The following AP1M2 variants were observed in gnomAD, a reference collection of about 807,000 sequenced individuals.
AP1M2 encodes AP-1 complex subunit mu-2.
AP1M2 carries 41 observed loss-of-function variants against 54.6 expected under a neutral mutation model. The observed-to-expected ratio is 0.75, with a 90% CI of 0.59 to 0.97. AP1M2 has a LOEUF of 0.97. Ranked by LOEUF, AP1M2 falls within the 50% of genes least tolerant of loss-of-function variation. AP1M2 has a pLI of 0.00. For missense variants in AP1M2, 507 were observed against 561.2 expected, an observed-to-expected ratio of 0.90 and a Z score of 0.98; for synonymous variants, 219 against 215.9, an observed-to-expected ratio of 1.01 and a Z score of -0.13.
In AP1M2 at chr19:10,579,761, C is replaced by T. The variant is rs559463934; in HGVS notation, c.771G>A (p.Pro257=). The change falls in exon 7 of 12, where the codon CCG becomes CCA. Residue 257 remains proline (P), a synonymous_variant. Transcript: ENST00000250244. ...ACATGAGCTCAAAGTCACCATCAGG[C>T]GGGATGAAGGAGATGGTGCGGTCGT... ...FDNDRTISFI[P]PDGDFELMSY... is the part of the protein sequence containing the mutation. 7.8e-5 allele frequency: 126 copies of T among 1,613,812 alleles called. No homozygotes were observed. The South Asian group carries it at 9.0e-4, about 12-fold the overall frequency.
In AP1M2 at chr19:10,574,433, G is replaced by T. The variant is rs752222651; in HGVS notation, c.1233C>A (p.Tyr411Ter). The T allele has an allele frequency of 1.7e-5, 27 of 1,559,256 alleles. No individual in the cohort carries two copies. Among genetic ancestry groups the T allele is most frequent in the Non-Finnish European group, 2.3e-5 (27 of 1,151,940 alleles). The part of the protein sequence containing the change: ...SGYQALPWVR[Y>*]ITQSGDYQLR... ...CTGCCTTACCGCCACTCTGGGTGATGTAGCGAACCCAGGGCAGGGCCTGGT... is the reference window on the plus strand; with the variant it reads ...CTGCCTTACCGCCACTCTGGGTGATTTAGCGAACCCAGGGCAGGGCCTGGT... The change falls in exon 11 of 12, where the codon TAC becomes TAA. Residue 411 changes from tyrosine to a stop codon, truncating the protein, a stop_gained. Transcript: ENST00000250244. LOFTEE classifies it high-confidence loss of function.
intron 1 of AP1M2, among the ~76,000 whole-genome samples, chr19:10,585,353 A>AAGAT (rs1568434920): frequency 1.3e-5 from 2 of 151,640 alleles, no homozygotes; most frequent in Admixed American, 6.6e-5. Flanking sequence ...GAAAGAAAGA[A>AAGAT]AGATGACAGT....
intron 8 of AP1M2, among the ~76,000 whole-genome samples, chr19:10,578,596 C>T (rs549325705): frequency 8.2e-4 from 124 of 151,842 alleles, no homozygotes; most frequent in Non-Finnish European, 8.8e-4. Flanking sequence ...TGGGGTCTAG[C>T]TCTGTCATCC....
chr19:10,572,961 C>T lies in AP1M2; in HGVS notation c.*105G>A. ...GAGCAAGAAACTGCCAAGTCCAGGA[C>T]CTGCCCTCACACAGACACACACAGC... On this transcript the variant is annotated 3_prime_UTR_variant, in exon 12 of 12. Coordinates refer to ENST00000250244, the MANE Select transcript of AP1M2 (RefSeq NM_005498.5). 1 of 1,240,712 alleles carries T rather than the reference C, an allele frequency of 8.1e-7. No homozygotes were observed. The highest frequency in any genetic ancestry group is 1.3e-5 in the South Asian group (1 of 77,052). 76.9% of individuals were successfully genotyped at this position (1,240,712 alleles called of 1,614,324 possible). A position where few individuals can be genotyped will look rare whatever the true frequency, so the allele number is the denominator to read the frequency against.
intron 8 of AP1M2, among the ~76,000 whole-genome samples, chr19:10,577,677 C>T (rs917673798): frequency 6.7e-5 from 10 of 149,984 alleles, no homozygotes; most frequent in Middle Eastern, 3.5e-3. Context: ...CCTCGTGATC[C>T]GCCCACCCCG....
chr19:10,585,860 C>G (rs1177912352), intron 1 of AP1M2, among the ~76,000 whole-genome samples: 1 of 152,210 alleles, frequency 6.6e-6, no homozygotes, highest in East Asian at 1.9e-4. Context: ...AGGCTGACTG[C>G]AGTGGCTCAC....
rs966687494 is a variant in AP1M2, at chr19:10,579,227, T to C, written c.817-264A>G. 5.9e-5 allele frequency among the ~76,000 whole-genome samples: 9 copies of C among 151,688 alleles called. No homozygotes were observed. The East Asian group carries it at 1.4e-3, about 24-fold the overall frequency. ...GTCAGGAGATCGAGACCATCCTGGC[T>C]AACACGGCGAAACCCCGTCTCTACT... On this transcript the variant is annotated intron_variant, in intron 7 of 11. Transcript: ENST00000250244.
chr19:10,584,209 G>C, intron 1 of AP1M2, 139 bp from the exon 2 acceptor site: 1 of 1,135,204 alleles, frequency 8.8e-7, no homozygotes, highest in Non-Finnish European at 1.2e-6. Context: ...CCTGTTTCCT[G>C]CTCTGTAAAA....
At chr19:10,581,946 G>A (rs1008796493) in intron 3 of AP1M2, 68 bp from the exon 4 acceptor site, 9 of 1,484,646 alleles carry the variant, frequency 6.1e-6, no homozygotes, top group Non-Finnish European at 8.1e-6. Context: ...GCTCATGCCT[G>A]TAACCCCAGC....
chr19:10,578,938 G>T lies in AP1M2; in HGVS notation c.842C>A (p.Ser281Tyr). ...GCTGTGGGAGAACTTCTCAATGACA[G>T]ACTCAATCCAGATCAGTGGCTTGAC... Reference protein sequence around the residue: ...TQVKPLIWIESVIEKFSHSRV... With the variant: ...TQVKPLIWIEYVIEKFSHSRV... Residue 281 changes from serine to tyrosine, a missense_variant, in exon 8 of 12, where the codon TCT (serine) becomes TAT (tyrosine). Transcript: ENST00000250244. 1 of 1,607,488 alleles carries T rather than the reference G, an allele frequency of 6.2e-7. No individual in the cohort carries two copies. The highest frequency in any genetic ancestry group is 8.5e-7 in the Non-Finnish European group (1 of 1,176,954).
rs754237081 is a variant in AP1M2 at position 10,579,729 on chromosome 19, C to T, written c.803G>A (p.Arg268His). The T allele has an allele frequency of 3.7e-6, 6 of 1,612,932 alleles. No individual in the cohort carries two copies. Among genetic ancestry groups the T allele is most frequent in the African/African-American group, 1.3e-5 (1 of 74,862 alleles). ...ACCCTGCCTCACCTGGGTGCTGAGG[C>T]GGTATGACATGAGCTCAAAGTCACC... ...PDGDFELMSY[R>H]LSTQVKPLIW... The change falls in exon 7 of 12, where the codon CGC becomes CAC. Residue 268 changes from arginine to histidine, a missense_variant. Transcript: ENST00000250244.
chr19:10,587,078 G>C lies in AP1M2; in HGVS notation c.42+112C>G, dbSNP rs1473714372. The C allele has an allele frequency of 4.2e-6, 5 of 1,204,280 alleles. No homozygotes were observed. The Admixed American group carries it at 9.3e-5, about 22-fold the overall frequency. The allele number at this position is 1,204,280 out of a possible 1,614,324, so 74.6% of individuals were successfully genotyped here. A position where few individuals can be genotyped will look rare whatever the true frequency, so the allele number is the denominator to read the frequency against. On this transcript the variant is annotated intron_variant, in intron 1 of 11. Coordinates refer to ENST00000250244, the MANE Select transcript of AP1M2 (RefSeq NM_005498.5). The stretch of plus-strand genomic sequence containing the variant: ...GAGGTGGGATTCCCAGGGATTGCAG[G>C]GGGAGGGGGTGTTCCCAGACCTCTT...
intron 2 of AP1M2, 48 bp downstream of exon 2, chr19:10,583,866 C>A: frequency 6.4e-7 from 1 of 1,555,144 alleles, no homozygotes; most frequent in Non-Finnish European, 8.7e-7. Context: ...GCCACCATCG[C>A]CGACAGCCCC....
intron 3 of AP1M2, among the ~76,000 whole-genome samples, chr19:10,583,374 G>A (rs1033281174): frequency 7.9e-5 from 12 of 151,996 alleles, no homozygotes; most frequent in East Asian, 3.9e-4. Flanking sequence ...AGGGGTGAGC[G>A]TGGTGGCTCC....
intron 3 of AP1M2, 55 bp downstream of exon 3, chr19:10,583,551 C>T (rs1444221735): frequency 1.3e-5 from 18 of 1,337,500 alleles, no homozygotes; most frequent in African/African-American, 5.9e-5. Context: ...TTGAAAGAGG[C>T]GGGCAAGAGG....
chr19:10,584,005 C>A lies in AP1M2; in HGVS notation c.108G>T (p.Leu36Phe), dbSNP rs772702333. ...CGCCTTCCTCCTCCCGCTGTACCAG[C>A]AAAGGCATGAAGTGCTCAATCTTGC... ...AMSKIEHFMP[L>F]LVQREEEGAL... The change falls in exon 2 of 12, where the codon TTG (leucine) becomes TTT (phenylalanine). Residue 36 changes from leucine to phenylalanine, a missense_variant. Transcript: ENST00000250244. The A allele has an allele frequency of 6.2e-7, 1 of 1,609,774 alleles. No homozygotes were observed. The highest frequency in any genetic ancestry group is 1.1e-5 in the South Asian group (1 of 90,002).
Position 10,586,881 on chromosome 19 carries a change from G to C in AP1M2, c.42+309C>G, listed in dbSNP as rs915639663. Among the ~76,000 whole-genome samples, 4 of 152,158 alleles carry C rather than the reference G, an allele frequency of 2.6e-5. No individual in the cohort carries two copies. In the East Asian group the frequency reaches 5.8e-4, roughly 22 times the overall value. On this transcript the variant is annotated intron_variant, in intron 1 of 11. Coordinates refer to ENST00000250244, the MANE Select transcript of AP1M2 (RefSeq NM_005498.5). ...ACAGTGATGGAGATAATTTCAATTT[G>C]CTGAGTCCCTAATATTTCCAGAAAG...
chr19:10,577,734 CTTTTTTT>C (rs61052727), intron 8 of AP1M2, among the ~76,000 whole-genome samples: 5 of 113,508 alleles, frequency 4.4e-5, no homozygotes, highest in African/African-American at 1.0e-4. Flanking sequence ...CATGCTTGGC[CTTTTTTT>C]TTTTTTTTTT....
At position 10,581,805 on chromosome 19, in the gene AP1M2, A is replaced by G. The variant is rs1013037656; in HGVS notation, c.341T>C (p.Leu114Pro). 2 of 1,613,994 alleles carry G rather than the reference A, an allele frequency of 1.2e-6. No homozygotes were observed. Among genetic ancestry groups the G allele is most frequent in the African/African-American group, 1.3e-5 (1 of 75,028 alleles). The part of the protein sequence containing the change: ...RDNFVIVYEL[L>P]DELMDFGFPQ... ...GAAGCCAAAGTCCATGAGCTCGTCC[A>G]GCAACTCGTAGACGATGACAAAGTT... Residue 114 changes from leucine (L) to proline (P), a missense_variant, in exon 4 of 12, where the codon CTG becomes CCG. Transcript: ENST00000250244.
Sources: gnomAD v4.1 joint callset for allele counts (sites outside exome capture counted in the v4.1 genomes callset) on GRCh38, gnomAD v4.1.1 for gene constraint, MANE v1.5 for transcripts, NCBI Gene and HGNC (gene_info 2026-07-23, HGNC 2026-07-21) for gene names.